GGT1: variants seen among roughly 807,000 people sequenced by gnomAD.
GGT1 encodes the protein gamma-glutamyltransferase 1, also known as glutathione hydrolase 1 proenzyme.
GGT1 carries 21 observed loss-of-function variants against 56.0 expected under a neutral mutation model. That is an observed-to-expected ratio of 0.38 (90% confidence interval 0.27 to 0.54). The LOEUF (loss-of-function observed/expected upper bound fraction) is 0.54. GGT1 is among the 20% of genes least tolerant of loss of function. GGT1 has a pLI of 0.82. For missense variants in GGT1, 466 were observed against 787.0 expected (o/e 0.59, Z 4.88); for synonymous variants, 238 against 342.6 (o/e 0.69, Z 3.37).
intron 5 of GGT1, 48 bp from the exon 6 acceptor site, chr22:24,614,728 C>G (rs761829833): frequency 1.3e-6 from 2 of 1,598,164 alleles, no homozygotes; most frequent in Admixed American, 3.4e-5. Context: ...TATGCGGGGC[C>G]AGGGTGGAAG....
upstream of GGT1, among the ~76,000 whole-genome samples, chr22:24,599,852 G>A (rs1408742987): frequency 6.6e-5 from 10 of 152,258 alleles, no homozygotes; most frequent in African/African-American, 2.4e-4. Context: ...CATGGCATGC[G>A]TGGAAAGTGC....
At chr22:24,586,192 C>T in the GGT1 span, 1 of 1,613,824 alleles carries the variant, frequency 6.2e-7, no homozygotes, top group Admixed American at 1.7e-5. Flanking sequence ...TGCCGTTGAG[C>T]AGGAGCTGGG....
chr22:24,583,795 C>T, the GGT1 span: 6 of 470,850 alleles, frequency 1.3e-5, no homozygotes, highest in East Asian at 7.0e-5. Flanking sequence ...CTCGGGTCCT[C>T]GCACACCATC....
chr22:24,592,815 A>C, upstream of GGT1: 1 of 1,261,818 alleles, frequency 7.9e-7, no homozygotes, highest in Non-Finnish European at 1.0e-6. Context: ...CCAGACCCCC[A>C]GACCCTCCCT....
intron 5 of GGT1, among the ~76,000 whole-genome samples, chr22:24,612,971 G>A (rs1391406210): frequency 1.3e-5 from 2 of 152,220 alleles, no homozygotes; most frequent in African/African-American, 4.8e-5. Context: ...GATTACAGGT[G>A]TGAGCCATGG....
the GGT1 span, among the ~76,000 whole-genome samples, chr22:24,585,396 C>T: frequency 5.3e-5 from 8 of 152,204 alleles, no homozygotes; most frequent in South Asian, 2.1e-4. Flanking sequence ...GAGCCCAAGC[C>T]CTGCCCAGAT....
intron 11 of GGT1, chr22:24,624,521 A>G (rs3901297): frequency 0.25 from 179,315 of 709,498 alleles, 37,210 homozygotes; most frequent in African/African-American, 0.74. Context: ...TCAGCTGCCC[A>G]GGTGGTGTCT....
intron 1 of GGT1, among the ~76,000 whole-genome samples, chr22:24,605,337 ATG>A (rs2046074800): frequency 3.4e-5 from 2 of 58,586 alleles, no homozygotes; most frequent in African/African-American, 9.1e-5. Context: ...ATTATATAAT[ATG>A]TATTATATAT....
Position 24,620,853 on chromosome 22 carries a change from A to G in GGT1, c.576-60A>G. The G allele has an allele frequency of 1.3e-6, 2 of 1,597,714 alleles. No individual in the cohort carries two copies. The highest frequency in any genetic ancestry group is 8.5e-7 in the Non-Finnish European group (1 of 1,171,872). On this transcript the variant is annotated intron_variant, in intron 8 of 15. Coordinates refer to ENST00000400382, the MANE Select transcript of GGT1 (RefSeq NM_001288833.2). The surrounding 1 kb of genome is among the most constrained non-coding windows in gnomAD (Gnocchi z 5.6). Reference sequence around the variant, plus strand: ...CCGTTCTCCTGTGTGGACGGGTGTGAGGGGTGGTCTAGCTGAGTCCACCCC... The same window carrying G: ...CCGTTCTCCTGTGTGGACGGGTGTGGGGGGTGGTCTAGCTGAGTCCACCCC...
chr22:24,585,688 C>A, the GGT1 span: 2 of 637,960 alleles, frequency 3.1e-6, no homozygotes, highest in Non-Finnish European at 5.3e-6. Context: ...GGGCCCCTCC[C>A]ACTGAGGGAA....
chr22:24,619,008 G>A (rs2147431683), intron 7 of GGT1, among the ~76,000 whole-genome samples: 1 of 152,276 alleles, frequency 6.6e-6, no homozygotes, highest in Middle Eastern at 3.4e-3. Context: ...TGTAATCCCA[G>A]CATGTTGGGA....
chr22:24,588,062 GCT>G, the GGT1 span: 1 of 644,212 alleles, frequency 1.6e-6, no homozygotes. Flanking sequence ...CACGGGCCAG[GCT>G]GACTTCCAGG....
chr22:24,605,191 A>G (rs1431365279), intron 1 of GGT1, among the ~76,000 whole-genome samples: 17 of 69,006 alleles, frequency 2.5e-4, no homozygotes, highest in Non-Finnish European at 2.1e-4. Flanking sequence ...TATATTATAT[A>G]ATATATAATA....
chr22:24,583,972 C>T, the GGT1 span, among the ~76,000 whole-genome samples: 1 of 152,244 alleles, frequency 6.6e-6, no homozygotes, highest in Non-Finnish European at 1.5e-5. Context: ...ATCAGCTTGC[C>T]TGGCCCAGGG....
At chr22:24,626,203 A>G (rs1043793067) in intron 11 of GGT1, among the ~76,000 whole-genome samples, 42 of 149,368 alleles carry the variant, frequency 2.8e-4, no homozygotes, top group Non-Finnish European at 5.0e-4. Flanking sequence ...TGTGTTAGCC[A>G]GGATGGTCTC....
Position 24,627,786 on chromosome 22 carries a change from G to T in GGT1, c.1209-66G>T, listed in dbSNP as rs2047886900. 9.5e-6 allele frequency: 15 copies of T among 1,573,102 alleles called. No homozygotes were observed. In the South Asian group the frequency reaches 1.6e-4, roughly 16 times the overall value. ...TCTCAGTGAGTATGTTTGAGCCTCA[G>T]TGGGTGGATAGGGACCAGGCTGGGC... is the stretch of plus-strand genomic sequence containing the variant. On this transcript the variant is annotated intron_variant, in intron 12 of 15. Coordinates refer to ENST00000400382, the MANE Select transcript of GGT1 (RefSeq NM_001288833.2).
the GGT1 span, among the ~76,000 whole-genome samples, chr22:24,587,263 C>T: frequency 1.3e-5 from 2 of 152,176 alleles, no homozygotes; most frequent in African/African-American, 4.8e-5. Flanking sequence ...CCTGGGTGTG[C>T]AGGCTGGGGG....
At chr22:24,586,982 T>C in the GGT1 span, among the ~76,000 whole-genome samples, 1 of 152,236 alleles carries the variant, frequency 6.6e-6, no homozygotes, top group Non-Finnish European at 1.5e-5. Context: ...TCTCACTGTG[T>C]GCCCAGCATC....
chr22:24,591,953 G>C (rs571737430), upstream of GGT1, among the ~76,000 whole-genome samples: 1 of 152,336 alleles, frequency 6.6e-6, no homozygotes, highest in South Asian at 2.1e-4. Flanking sequence ...AGGAAGAAGG[G>C]CTCTGGCCCT....
Sources: gnomAD v4.1 joint callset for allele counts (sites outside exome capture counted in the v4.1 genomes callset) on GRCh38, gnomAD v4.1.1 for gene constraint, Gnocchi (gnomAD v3.1) non-coding constraint, MANE v1.5 for transcripts, NCBI Gene and HGNC (gene_info 2026-07-23, HGNC 2026-07-21) for gene names.